Variants in SRL observed in about 807,000 individuals in gnomAD.
The protein encoded by SRL is sarcalumenin.
A neutral mutation model predicts 39.5 loss-of-function variants in SRL; 23 were observed. The ratio of observed to expected loss-of-function variants is 0.58; its 90% CI spans 0.42 to 0.82. The LOEUF (loss-of-function observed/expected upper bound fraction) is 0.82, where lower values mean the gene tolerates loss of function less well. Ranked by LOEUF, SRL falls within the 40% of genes least tolerant of loss-of-function variation. The pLI is 0.00. For synonymous variants in SRL, 272 were observed against 237.4 expected, an observed-to-expected ratio of 1.15 and a Z score of -1.34; for missense variants, 592 against 607.8, an observed-to-expected ratio of 0.97 and a Z score of 0.27.
At chr16:4,224,417 A>C (rs1317161058) in intron 1 of SRL, among the ~76,000 whole-genome samples, 1 of 152,118 alleles carries the variant, frequency 6.6e-6, no homozygotes, top group African/African-American at 2.4e-5. Flanking sequence ...ATTATAAGAT[A>C]AAGTGAGGCC....
intron 1 of SRL, among the ~76,000 whole-genome samples, chr16:4,208,695 G>A (rs1295797395): frequency 1.3e-5 from 2 of 152,216 alleles, no homozygotes; most frequent in African/African-American, 4.8e-5. Context: ...ATTACTTGTG[G>A]CTCTCAACCT....
At chr16:4,234,453 C>T (rs1410433352) in intron 1 of SRL, among the ~76,000 whole-genome samples, 2 of 152,168 alleles carry the variant, frequency 1.3e-5, no homozygotes, top group African/African-American at 2.4e-5. Flanking sequence ...CAGGCATGTC[C>T]CCAAGGTAGG....
chr16:4,227,357 A>C (rs2141062717), intron 1 of SRL, among the ~76,000 whole-genome samples: 1 of 151,388 alleles, frequency 6.6e-6, no homozygotes, highest in Admixed American at 6.6e-5. Context: ...AGATGGGTGA[A>C]TGGCTGGGTG....
intron 1 of SRL, among the ~76,000 whole-genome samples, chr16:4,212,805 C>CG (rs1196385770): frequency 1.3e-5 from 2 of 152,110 alleles, no homozygotes; most frequent in Admixed American, 6.5e-5. Flanking sequence ...CAGCCTTTCT[C>CG]GGGGGGCCAG....
intron 1 of SRL, among the ~76,000 whole-genome samples, chr16:4,215,589 C>G (rs2052449376): frequency 6.6e-6 from 1 of 152,226 alleles, no homozygotes; most frequent in Admixed American, 6.5e-5. Flanking sequence ...GAACTCAGCT[C>G]TCTATGGACG....
rs547226347 is a variant in SRL, at chr16:4,227,757, G to A, written c.61+14250C>T. 5.9e-5 allele frequency among the ~76,000 whole-genome samples: 9 copies of A among 152,240 alleles called. No homozygotes were observed. The South Asian group carries it at 8.3e-4, about 14-fold the overall frequency. On this transcript the variant is annotated intron_variant, in intron 1 of 5. Transcript: ENST00000399609. ...CATGTCACCTAACCTGTCCAGGCCC[G>A]CTTCTCATTATTAAAAGGCCCCAGA...
intron 1 of SRL, among the ~76,000 whole-genome samples, chr16:4,210,484 A>ATT (rs1307381191): frequency 1.5e-5 from 1 of 68,788 alleles, no homozygotes; most frequent in Non-Finnish European, 2.6e-5. Context: ...TATTACTCAT[A>ATT]TCTTTTTTTT....
rs1199730598 is a variant in SRL, at chr16:4,189,842, C to T, written c.*2311G>A. The T allele has an allele frequency of 1.3e-5, 2 of 158,130 alleles. No homozygotes were observed. The highest frequency in any genetic ancestry group is 2.8e-5 in the Non-Finnish European group (2 of 72,316). 9.8% of individuals were successfully genotyped at this position (158,130 alleles called of 1,614,324 possible). On this transcript the variant is annotated 3_prime_UTR_variant, in exon 6 of 6. Coordinates refer to ENST00000399609, the MANE Select transcript of SRL (RefSeq NM_001098814.2). The stretch of plus-strand genomic sequence containing the variant: ...TTGTGCATCTTTTTTTGTTTTTCCC[C>T]TGACTACACAGAAAAACAGATCTGC...
Position 4,197,870 on chromosome 16 carries a change from C to T in SRL, c.305G>A (p.Trp102Ter), listed in dbSNP as rs1325961220. The T allele has an allele frequency of 5.0e-6, 8 of 1,614,154 alleles. No individual in the cohort carries two copies. The highest frequency in any genetic ancestry group is 6.8e-6 in the Non-Finnish European group (8 of 1,179,998). Residue 102 changes from tryptophan (W) to a stop codon, truncating the protein, a stop_gained, in exon 4 of 6, where the codon TGG (tryptophan) becomes TAG (stop). Coordinates refer to ENST00000399609, the MANE Select transcript of SRL (RefSeq NM_001098814.2). LOFTEE classifies it high-confidence loss of function. Reference protein sequence around the residue: ...SKPMVLFLGPWSVGKSTMINY... With the variant: ...SKPMVLFLGP The stretch of plus-strand genomic sequence containing the variant: ...TATCATGGTAGATTTACCAACACTC[C>T]ACGGTCCCAGGAACAGTACCATGGG...
intron 1 of SRL, among the ~76,000 whole-genome samples, chr16:4,237,725 G>T (rs372620502): frequency 2.0e-5 from 3 of 152,102 alleles, no homozygotes; most frequent in Admixed American, 6.6e-5. Context: ...CTCTGGCACC[G>T]TGAGTTTGCT....
intron 1 of SRL, among the ~76,000 whole-genome samples, chr16:4,217,882 T>A (rs1409986093): frequency 2.6e-5 from 4 of 151,950 alleles, no homozygotes; most frequent in Non-Finnish European, 4.4e-5. Context: ...GCCCTCCGGG[T>A]CTGGGGGCTC....
intron 4 of SRL, among the ~76,000 whole-genome samples, chr16:4,196,110 G>A (rs1305115249): frequency 6.6e-6 from 1 of 151,626 alleles, no homozygotes; most frequent in Non-Finnish European, 1.5e-5. Context: ...ACAGGCACTC[G>A]CCACCATGCC....
rs776667599 is a variant in SRL at position 4,203,130 on chromosome 16, G to GTA, written c.259+34_259+35dup. On this transcript the variant is annotated intron_variant, in intron 3 of 5. Coordinates refer to ENST00000399609, the MANE Select transcript of SRL (RefSeq NM_001098814.2). ...CCGCCGACAGGCCTGCGCCGTACCC[G>GTA]TAATCTCAAGCCCTACCTGTTATCT... 3 of 1,587,268 alleles carry GTA rather than the reference G, an allele frequency of 1.9e-6. No homozygotes were observed. The South Asian group carries it at 3.3e-5, about 18-fold the overall frequency.
At chr16:4,230,177 C>G (rs1219405575) in intron 1 of SRL, among the ~76,000 whole-genome samples, 1 of 152,116 alleles carries the variant, frequency 6.6e-6, no homozygotes, top group African/African-American at 2.4e-5. Flanking sequence ...TGAGCCAGTC[C>G]TCCATCTGTT....
chr16:4,231,299 G>A (rs893037546), intron 1 of SRL, among the ~76,000 whole-genome samples: 4 of 152,176 alleles, frequency 2.6e-5, no homozygotes, highest in African/African-American at 9.7e-5. Context: ...CTGGGCAACA[G>A]AGTGAGACCC....
In SRL at chr16:4,204,649, A is replaced by G; in HGVS notation, c.62-15T>C. 1 of 1,611,690 alleles carries G rather than the reference A, an allele frequency of 6.2e-7. No homozygotes were observed. Among genetic ancestry groups the G allele is most frequent in the Non-Finnish European group, 8.5e-7 (1 of 1,177,904 alleles). On this transcript the variant is annotated splice_polypyrimidine_tract_variant and intron_variant, in intron 1 of 5. Transcript: ENST00000399609. ...CTCCGTCTCTTCTGTGGAGAGAAGC[A>G]GACAGCCAAGTGAGAGCAAAGCTAA...
rs1161375306 is a variant in SRL, at chr16:4,203,164, A to G, written c.259+2T>C. On this transcript the variant is annotated splice_donor_variant, in intron 3 of 5. Coordinates refer to ENST00000399609, the MANE Select transcript of SRL (RefSeq NM_001098814.2). LOFTEE classifies it high-confidence loss of function. ...AGCCCTACCTGTTATCTCAAGCCCT[A>G]CCTGTGATCTCATGCTGCCGGAGCT... 5 of 1,613,262 alleles carry G rather than the reference A, an allele frequency of 3.1e-6. No individual in the cohort carries two copies. The South Asian group carries it at 3.3e-5, about 11-fold the overall frequency.
chr16:4,220,721 A>G (rs2052518134), intron 1 of SRL, among the ~76,000 whole-genome samples: 1 of 152,128 alleles, frequency 6.6e-6, no homozygotes, highest in Non-Finnish European at 1.5e-5. Flanking sequence ...CATCTGTCTC[A>G]TCTAGTCAAA....
intron 3 of SRL, among the ~76,000 whole-genome samples, 163 bp downstream of exon 3, chr16:4,203,003 G>T (rs1043016429): frequency 6.6e-6 from 1 of 152,208 alleles, no homozygotes; most frequent in African/African-American, 2.4e-5. Flanking sequence ...CAACTCCCAG[G>T]GGGAGCCCAG....
Sources: gnomAD v4.1 joint callset for allele counts (sites outside exome capture counted in the v4.1 genomes callset) on GRCh38, gnomAD v4.1.1 for gene constraint, MANE v1.5 for transcripts, NCBI Gene and HGNC (gene_info 2026-07-23, HGNC 2026-07-21) for gene names.